QPCTL: variants seen among roughly 807,000 people sequenced by gnomAD.
QPCTL encodes the protein glutaminyl-peptide cyclotransferase like, also known as glutaminyl-peptide cyclotransferase-like protein.
In QPCTL, 31 loss-of-function variants were observed where a neutral mutation model predicts 34.6. That is an observed-to-expected ratio of 0.90 (90% CI 0.67 to 1.21). The LOEUF (loss-of-function observed/expected upper bound fraction) is 1.21. Among genes scored for constraint, QPCTL ranks in the 50% most tolerant of loss-of-function variants. The pLI, the probability that QPCTL is intolerant of heterozygous loss-of-function variation, is 0.00. For synonymous variants in QPCTL, 223 were observed against 226.9 expected (o/e 0.98, Z 0.15); for missense variants, 474 against 507.8 (o/e 0.93, Z 0.64).
At chr19:45,699,752 G>A (rs1363486903) in intron 5 of QPCTL, among the ~76,000 whole-genome samples, 8 of 151,616 alleles carry the variant, frequency 5.3e-5, no homozygotes, top group East Asian at 2.0e-4. Flanking sequence ...CCAACAGGGC[G>A]AAACCCCATC....
chr19:45,699,702 G>T (rs767852981), intron 5 of QPCTL, among the ~76,000 whole-genome samples: 1 of 151,870 alleles, frequency 6.6e-6, no homozygotes, highest in South Asian at 2.1e-4. Context: ...AGGCCAAAGC[G>T]GGTGGATCAC....
intron 3 of QPCTL, among the ~76,000 whole-genome samples, chr19:45,697,091 G>T (rs1321848385): frequency 6.6e-6 from 1 of 151,958 alleles, no homozygotes; most frequent in Non-Finnish European, 1.5e-5. Flanking sequence ...CTGCACTCCA[G>T]CCTGGATGAC....
Position 45,702,931 on chromosome 19 carries a change from C to T in QPCTL, c.1031C>T (p.Thr344Met), listed in dbSNP as rs563671393. ...GTACCCGTGCTCCATCTCATCTCCACGCCCTTCCCTGCTGTCTGGCACACC... is the reference window on the plus strand; with the variant it reads ...GTACCCGTGCTCCATCTCATCTCCATGCCCTTCCCTGCTGTCTGGCACACC... ...RGVPVLHLIS[T>M]PFPAVWHTPA... Residue 344 changes from threonine (T) to methionine (M), a missense_variant, in exon 7 of 7, where the codon ACG becomes ATG. Thr to Met is a moderately conservative substitution (Grantham distance 81, BLOSUM62 -1). Transcript: ENST00000012049. 36 of 1,614,110 alleles carry T rather than the reference C, an allele frequency of 2.2e-5. No homozygotes were observed. The highest frequency in any genetic ancestry group is 2.7e-5 in the African/African-American group (2 of 74,990).
rs144959788 is a variant in QPCTL, at chr19:45,695,293, A to G, written c.352-144A>G. On this transcript the variant is annotated intron_variant, in intron 2 of 6. Coordinates refer to ENST00000012049, the MANE Select transcript of QPCTL (RefSeq NM_017659.4). ...AGAGCAAGACTCCATCTCAAAAAAAAAAAGAAAGAAAGAAAGAAATCCATT... is the reference window on the plus strand; with the variant it reads ...AGAGCAAGACTCCATCTCAAAAAAAGAAAGAAAGAAAGAAAGAAATCCATT... 5,643 of 808,174 alleles carry G rather than the reference A, an allele frequency of 7.0e-3. 196 individuals are homozygous for G. In the African/African-American group the frequency reaches 0.075, roughly 11 times the overall value. The allele number at this position is 808,174 out of a possible 1,614,324, so 50.1% of individuals were successfully genotyped here.
chr19:45,698,532 C>G lies in QPCTL; in HGVS notation c.634-15C>G. The G allele has an allele frequency of 6.2e-7, 1 of 1,613,572 alleles. No individual in the cohort carries two copies. The highest frequency in any genetic ancestry group is 2.2e-5 in the East Asian group (1 of 44,880). The stretch of plus-strand genomic sequence containing the variant: ...TCCTGAGCTGGCTCTGGCCACCCCC[C>G]TGCTGCTCCCACAGGCAGCCCCGGT... On this transcript the variant is annotated splice_polypyrimidine_tract_variant and intron_variant, in intron 3 of 6. Transcript: ENST00000012049.
At chr19:45,693,854 C>T (rs935271591) in intron 2 of QPCTL, among the ~76,000 whole-genome samples, 3 of 152,184 alleles carry the variant, frequency 2.0e-5, no homozygotes, top group East Asian at 1.9e-4. Flanking sequence ...ATACACATTG[C>T]ACAAATCCTA....
rs755750291 is a variant in QPCTL, at chr19:45,692,765, C to T, written c.62C>T (p.Pro21Leu). The change falls in exon 1 of 7, where the codon CCA (proline) becomes CTA (leucine). Residue 21 changes from proline (P) to leucine (L), a missense_variant. By Grantham distance (98) the Pro-to-Leu change is moderately conservative. Coordinates refer to ENST00000012049, the MANE Select transcript of QPCTL (RefSeq NM_017659.4). ...CTGGGGGAACGTGGCCTCATGGAGCCACTCTTGCCGCCGAAGCGCCGCCTG... is the reference window on the plus strand; with the variant it reads ...CTGGGGGAACGTGGCCTCATGGAGCTACTCTTGCCGCCGAAGCGCCGCCTG... ...LRLGERGLME[P>L]LLPPKRRLLP... 5.0e-6 allele frequency: 8 copies of T among 1,591,368 alleles called. No homozygotes were observed. The highest frequency in any genetic ancestry group is 6.8e-6 in the Non-Finnish European group (8 of 1,169,116).
intron 3 of QPCTL, among the ~76,000 whole-genome samples, chr19:45,696,217 C>A (rs1373787019): frequency 6.6e-6 from 1 of 152,106 alleles, no homozygotes; most frequent in African/African-American, 2.4e-5. Flanking sequence ...CTGTAGCCAC[C>A]CCCACCTCCT....
chr19:45,697,423 C>A, intron 3 of QPCTL, among the ~76,000 whole-genome samples: 2 of 63,146 alleles, frequency 3.2e-5, no homozygotes, highest in African/African-American at 7.2e-5. Flanking sequence ...GAGACTCCGT[C>A]TCAAAAAAAA....
chr19:45,699,039 T>A, intron 5 of QPCTL, 139 bp downstream of exon 5: 1 of 656,278 alleles, frequency 1.5e-6, no homozygotes. Flanking sequence ...ATCTTTTTTT[T>A]TTTTTTTTTT....
chr19:45,700,009 T>A (rs1269426754), intron 5 of QPCTL, among the ~76,000 whole-genome samples: 1 of 143,744 alleles, frequency 7.0e-6, no homozygotes, highest in African/African-American at 2.6e-5. Context: ...GCTGAAGTGG[T>A]AGGATCACTT....
intron 2 of QPCTL, among the ~76,000 whole-genome samples, chr19:45,695,113 C>T (rs1967663578): frequency 1.3e-5 from 2 of 151,888 alleles, no homozygotes. Flanking sequence ...TTGTGAAACC[C>T]CATCTCTACT....
In QPCTL at chr19:45,695,681, A is replaced by G. The variant is rs772634970; in HGVS notation, c.596A>G (p.Gln199Arg). ...TGTGCCCTGCTGCTGGAGCTGGCCCAAGCACTTGACCTGGAGCTGAGCAGG... is the reference window on the plus strand; with the variant it reads ...TGTGCCCTGCTGCTGGAGCTGGCCCGAGCACTTGACCTGGAGCTGAGCAGG... ...VPCALLLELA[Q>R]ALDLELSRAK... The change falls in exon 3 of 7, where the codon CAA becomes CGA. Residue 199 changes from glutamine (Q) to arginine (R), a missense_variant. Coordinates refer to ENST00000012049, the MANE Select transcript of QPCTL (RefSeq NM_017659.4). 2 of 1,613,196 alleles carry G rather than the reference A, an allele frequency of 1.2e-6. No individual in the cohort carries two copies. Among genetic ancestry groups the G allele is most frequent in the Non-Finnish European group, 1.7e-6 (2 of 1,179,880 alleles).
At position 45,703,337 on chromosome 19, in the gene QPCTL, CTTT is replaced by C; in HGVS notation, c.*297_*299del. 4.0e-6 allele frequency: 1 copy of C among 248,726 alleles called. No homozygotes were observed. The highest frequency in any genetic ancestry group is 8.8e-5 in the East Asian group (1 of 11,354). The allele number at this position is 248,726 out of a possible 1,614,324, so 15.4% of individuals were successfully genotyped here. ...AGGTTTGCAGGGACCAAATACTGTTCTTTTTTTTTTTGAGACGGAGTCTCACTG... is the reference window on the plus strand; with the variant it reads ...AGGTTTGCAGGGACCAAATACTGTTCTTTTTTTTGAGACGGAGTCTCACTG... On this transcript the variant is annotated 3_prime_UTR_variant, in exon 7 of 7. Coordinates refer to ENST00000012049, the MANE Select transcript of QPCTL (RefSeq NM_017659.4).
At chr19:45,695,317 TTCAA>T in intron 2 of QPCTL, 116 bp from the exon 3 acceptor site, 2 of 886,962 alleles carry the variant, frequency 2.3e-6, no homozygotes, top group East Asian at 2.5e-5. Flanking sequence ...AAGAAATCCA[TTCAA>T]TCAGAGTGGG....
intron 5 of QPCTL, among the ~76,000 whole-genome samples, chr19:45,699,880 C>T (rs536144409): frequency 4.6e-4 from 67 of 145,916 alleles, no homozygotes; most frequent in African/African-American, 1.7e-3. Flanking sequence ...TGCAGTGAGC[C>T]GAGATCACGC....
rs1967835786 is a variant in QPCTL at position 45,702,890 on chromosome 19, C to G, written c.1004-14C>G. On this transcript the variant is annotated splice_polypyrimidine_tract_variant and intron_variant, in intron 6 of 6. Transcript: ENST00000012049. ...GCTGCAGTGGACCTGACAAAGTCTC[C>G]TCTGTCACTTCAGGGGTACCCGTGC... 6.2e-7 allele frequency: 1 copy of G among 1,613,942 alleles called. No homozygotes were observed. The highest frequency in any genetic ancestry group is 1.3e-5 in the African/African-American group (1 of 74,908).
chr19:45,695,760 C>T (rs1370567603), intron 3 of QPCTL, 42 bp downstream of exon 3: 33 of 1,521,834 alleles, frequency 2.2e-5, no homozygotes, highest in Non-Finnish European at 2.8e-5. Flanking sequence ...CTACCTCCAC[C>T]TTTTCCCAAG....
In QPCTL at chr19:45,703,170, T is replaced by C; in HGVS notation, c.*121T>C. 2.4e-6 allele frequency: 3 copies of C among 1,243,242 alleles called. No homozygotes were observed. Among genetic ancestry groups the C allele is most frequent in the Non-Finnish European group, 3.4e-6 (3 of 889,886 alleles). 77.0% of individuals were successfully genotyped at this position (1,243,242 alleles called of 1,614,324 possible). A position where few individuals can be genotyped will look rare whatever the true frequency, so the allele number is the denominator to read the frequency against. ...TTGTCCTTTTCATACCTTTGTCTCCTAATTGTGCTACAATTGGAAGACCTT... is the reference window on the plus strand; with the variant it reads ...TTGTCCTTTTCATACCTTTGTCTCCCAATTGTGCTACAATTGGAAGACCTT... On this transcript the variant is annotated 3_prime_UTR_variant, in exon 7 of 7. Transcript: ENST00000012049.
Sources: gnomAD v4.1 joint callset for allele counts (sites outside exome capture counted in the v4.1 genomes callset) on GRCh38, gnomAD v4.1.1 for gene constraint, MANE v1.5 for transcripts, NCBI Gene and HGNC (gene_info 2026-07-23, HGNC 2026-07-21) for gene names.